Variants in TGFBR2 observed in about 807,000 individuals in gnomAD.
TGFBR2 encodes transforming growth factor beta receptor 2.
In TGFBR2, 18 loss-of-function variants were observed where a neutral mutation model predicts 49.0. The ratio of observed to expected loss-of-function variants is 0.37; its 90% confidence interval spans 0.25 to 0.54. The LOEUF is 0.54. Among genes scored for constraint, TGFBR2 ranks in the 20% least tolerant of loss-of-function variants. The probability of loss-of-function intolerance (pLI) is 0.85; values close to 1 mark genes in which losing one functional copy is unlikely to be tolerated. For synonymous variants in TGFBR2, 282 were observed against 275.9 expected (o/e 1.02, Z -0.22); for missense variants, 525 against 722.6 (o/e 0.73, Z 3.13).
intron 2 of TGFBR2, 54 bp from the exon 3 acceptor site, chr3:30,650,216 T>C: frequency 1.3e-6 from 2 of 1,565,400 alleles, no homozygotes; most frequent in South Asian, 2.2e-5. Flanking sequence ...TATTCATTTA[T>C]TCTCTTTCTC....
At chr3:30,679,294 A>C (rs1273996824) in intron 5 of TGFBR2, among the ~76,000 whole-genome samples, 1 of 152,168 alleles carries the variant, frequency 6.6e-6, no homozygotes, top group Non-Finnish European at 1.5e-5. Context: ...CTCTTAAAGG[A>C]AGAGGAAGAC....
intron 1 of TGFBR2, among the ~76,000 whole-genome samples, chr3:30,611,691 T>G (rs1251586524): frequency 6.6e-6 from 1 of 152,064 alleles, no homozygotes; most frequent in Non-Finnish European, 1.5e-5. Flanking sequence ...GTTTTATGTT[T>G]TGGTTTATAA....
intron 1 of TGFBR2, among the ~76,000 whole-genome samples, chr3:30,643,106 A>G (rs141784764): frequency 1.3e-5 from 2 of 152,348 alleles, no homozygotes; most frequent in African/African-American, 2.4e-5. Flanking sequence ...TTGCAGGGCA[A>G]AGTATCTATG....
intron 2 of TGFBR2, among the ~76,000 whole-genome samples, chr3:30,647,129 T>C (rs1285313449): frequency 1.3e-5 from 2 of 152,172 alleles, no homozygotes; most frequent in Non-Finnish European, 2.9e-5. Flanking sequence ...TGTTGGCTGT[T>C]GAAGGATCAC....
chr3:30,626,019 C>G (rs1353356484), intron 1 of TGFBR2, among the ~76,000 whole-genome samples: 1 of 152,170 alleles, frequency 6.6e-6, no homozygotes, highest in African/African-American at 2.4e-5. Context: ...AAAAGAATTC[C>G]AAAGCCTGAG....
At position 30,693,182 on chromosome 3, in the gene TGFBR2, C is replaced by T; in HGVS notation, c.*1583C>T. 1 of 233,456 alleles carries T rather than the reference C, an allele frequency of 4.3e-6. No individual in the cohort carries two copies. The highest frequency in any genetic ancestry group is 8.5e-6 in the Non-Finnish European group (1 of 117,986). The allele number at this position is 233,456 out of a possible 1,614,324, so 14.5% of individuals were successfully genotyped here. On this transcript the variant is annotated 3_prime_UTR_variant, in exon 7 of 7. Coordinates refer to ENST00000295754, the MANE Select transcript of TGFBR2 (RefSeq NM_003242.6). The stretch of plus-strand genomic sequence containing the variant: ...TTGCTTATATGTTAATAGTTTTACC[C>T]TCTGCATTGGAGAGAGGAGTGCTTT...
chr3:30,623,203 G>A (rs766383517), intron 1 of TGFBR2: 7 of 1,512,368 alleles, frequency 4.6e-6, no homozygotes, highest in Non-Finnish European at 6.4e-6. Flanking sequence ...TTACAGATGT[G>A]GAAATGGAGG....
At chr3:30,652,466 T>G (rs1698913529) in intron 3 of TGFBR2, among the ~76,000 whole-genome samples, 1 of 152,096 alleles carries the variant, frequency 6.6e-6, no homozygotes, top group Admixed American at 6.5e-5. Context: ...ACTCCTGACC[T>G]CAGGTGAATA....
rs572291630 is a variant in TGFBR2, at chr3:30,671,852, C to T, written c.669C>T (p.Asp223=). Residue 223 remains aspartate, a synonymous_variant, in exon 4 of 7, where the codon GAC becomes GAT. Coordinates refer to ENST00000295754, the MANE Select transcript of TGFBR2 (RefSeq NM_003242.6). ...SEHCAIILED[D]RSDISSTCAN... ...ACTGTGCCATCATCCTGGAAGATGA[C>T]CGCTCTGACATCAGCTCCACGTGTG... 1 of 1,614,230 alleles carries T rather than the reference C, an allele frequency of 6.2e-7. No homozygotes were observed. The highest frequency in any genetic ancestry group is 2.2e-5 in the East Asian group (1 of 44,880).
rs10575244 is a variant in TGFBR2, at chr3:30,622,879, C to CA, written c.94+15929dup. Among the ~76,000 whole-genome samples, 727 of 75,644 alleles carry CA rather than the reference C, an allele frequency of 9.6e-3. 32 individuals carry two copies. The highest frequency in any genetic ancestry group is 0.017 in the African/African-American group (324 of 18,800). The allele number at this position is 75,644 out of a possible 152,430, so 49.6% of individuals were successfully genotyped here. A position where few individuals can be genotyped will look rare whatever the true frequency, so the allele number is the denominator to read the frequency against. On this transcript the variant is annotated intron_variant, in intron 1 of 6. Transcript: ENST00000295754. ...TGGGCAACAGAGCGAGACTTTGTCTCAAAAAAAAAAAAAAAAAAAAAAAAA... is the reference window on the plus strand; with the variant it reads ...TGGGCAACAGAGCGAGACTTTGTCTCAAAAAAAAAAAAAAAAAAAAAAAAAA...
intron 1 of TGFBR2, among the ~76,000 whole-genome samples, chr3:30,627,744 A>T (rs1005959738): frequency 4.6e-5 from 7 of 151,938 alleles, no homozygotes; most frequent in African/African-American, 1.7e-4. Context: ...CTTAGATGAT[A>T]CATGTGGCTT....
chr3:30,620,396 G>C (rs887646315), intron 1 of TGFBR2, among the ~76,000 whole-genome samples: 1 of 151,952 alleles, frequency 6.6e-6, no homozygotes, highest in Non-Finnish European at 1.5e-5. Flanking sequence ...TTTTCTCCCA[G>C]ATGGCTTTTC....
In TGFBR2 at chr3:30,607,793, TAAAAAA is replaced by T. The variant is rs1193104700; in HGVS notation, c.94+818_94+823del. 8.5e-3 allele frequency among the ~76,000 whole-genome samples: 1,142 copies of T among 134,662 alleles called. 19 individuals are homozygous for T. Among genetic ancestry groups the T allele is most frequent in the South Asian group, 0.048 (219 of 4,594 alleles). 88.3% of individuals were successfully genotyped at this position (134,662 alleles called of 152,430 possible). A position where few individuals can be genotyped will look rare whatever the true frequency, so the allele number is the denominator to read the frequency against. ...AAGGTTTTTAAGGAAAAAATAAAAA[TAAAAAA>T]ATATATATATATATTATATATATAT... On this transcript the variant is annotated intron_variant, in intron 1 of 6. Transcript: ENST00000295754.
chr3:30,627,772 A>G (rs1247728129), intron 1 of TGFBR2, among the ~76,000 whole-genome samples: 1 of 151,968 alleles, frequency 6.6e-6, no homozygotes, highest in African/African-American at 2.4e-5. Flanking sequence ...AGCAGGTGCA[A>G]ATAAGGAACT....
intron 1 of TGFBR2, among the ~76,000 whole-genome samples, chr3:30,617,863 A>T (rs1698158979): frequency 6.6e-6 from 1 of 152,232 alleles, no homozygotes; most frequent in Non-Finnish European, 1.5e-5. Flanking sequence ...CAAGGTCCCC[A>T]GGTGATTCCT....
intron 5 of TGFBR2, among the ~76,000 whole-genome samples, chr3:30,680,334 A>C (rs991491072): frequency 3.3e-5 from 5 of 152,206 alleles, no homozygotes; most frequent in Admixed American, 3.3e-4. Flanking sequence ...TTTGTGTAGC[A>C]GGTCACAGTA....
chr3:30,661,685 TCAAAA>T (rs1202665184), intron 3 of TGFBR2: 3 of 442,424 alleles, frequency 6.8e-6, no homozygotes, highest in Admixed American at 2.7e-5. Flanking sequence ...GCTGAAAGAA[TCAAAA>T]CAAAACAGAA....
chr3:30,667,961 G>A (rs1358088497), intron 3 of TGFBR2, among the ~76,000 whole-genome samples: 2 of 152,160 alleles, frequency 1.3e-5, no homozygotes, highest in Non-Finnish European at 2.9e-5. Context: ...TGAAGGGCCA[G>A]ATAGTAAATA....
intron 1 of TGFBR2, among the ~76,000 whole-genome samples, chr3:30,607,839 T>TATTAATATATATATTA (rs1553624187): frequency 3.2e-5 from 4 of 123,748 alleles, no homozygotes; most frequent in African/African-American, 1.8e-4. Context: ...ATATATATAA[T>TATTAATATATATATTA]TATATATATA....
Sources: gnomAD v4.1 joint callset for allele counts (sites outside exome capture counted in the v4.1 genomes callset) on GRCh38, gnomAD v4.1.1 for gene constraint, MANE v1.5 for transcripts, NCBI Gene and HGNC (gene_info 2026-07-23, HGNC 2026-07-21) for gene names.